BRINP1: variants seen among roughly 807,000 people sequenced by gnomAD.
BRINP1 encodes BMP/retinoic acid inducible neural specific 1, also known as BMP/retinoic acid-inducible neural-specific protein 1.
In BRINP1, 17 loss-of-function variants were observed where a neutral mutation model predicts 72.9. That is an observed-to-expected ratio of 0.23 (90% CI 0.16 to 0.35). The LOEUF is 0.35. Among genes scored for constraint, BRINP1 ranks in the 10% least tolerant of loss-of-function variants. BRINP1 has a pLI of 1.00. For missense variants in BRINP1, 850 were observed against 1,001.6 expected (o/e 0.85, Z 2.04); for synonymous variants, 418 against 378.5 (o/e 1.10, Z -1.21).
intron 7 of BRINP1, among the ~76,000 whole-genome samples, chr9:119,194,431 C>T (rs568373695): frequency 4.6e-5 from 7 of 152,236 alleles, no homozygotes; most frequent in Non-Finnish European, 8.8e-5. Context: ...GGACCTGTAA[C>T]GGTGATGAGA....
In BRINP1 at chr9:119,172,049, A is replaced by C. The variant is rs545068149; in HGVS notation, c.1146-3825T>G. Among the ~76,000 whole-genome samples the C allele has an allele frequency of 6.5e-4, 92 of 140,558 alleles. 1 individual carries two copies. Among genetic ancestry groups the C allele is most frequent in the African/African-American group, 2.6e-3 (88 of 34,358 alleles). 92.2% of individuals were successfully genotyped at this position (140,558 alleles called of 152,430 possible). ...AAAGCAGGAAAGATCCAAAATTGACACCCTAACATCACAATTAAAAGAACT... is the reference window on the plus strand; with the variant it reads ...AAAGCAGGAAAGATCCAAAATTGACCCCCTAACATCACAATTAAAAGAACT... On this transcript the variant is annotated intron_variant, in intron 7 of 7. Coordinates refer to ENST00000265922, the MANE Select transcript of BRINP1 (RefSeq NM_014618.3).
intron 7 of BRINP1, among the ~76,000 whole-genome samples, chr9:119,179,062 T>TATAA (rs1227892563): frequency 2.0e-5 from 3 of 152,130 alleles, no homozygotes; most frequent in Non-Finnish European, 1.5e-5. Context: ...GATTGCAATC[T>TATAA]ATAAATACCA....
At chr9:119,342,167 G>C (rs1406796770) in intron 1 of BRINP1, among the ~76,000 whole-genome samples, 1 of 152,064 alleles carries the variant, frequency 6.6e-6, no homozygotes, top group Admixed American at 6.5e-5. Context: ...AACAAAAATG[G>C]TTGTATTGTT....
At position 119,345,965 on chromosome 9, in the gene BRINP1, G is replaced by C. The variant is rs968962138; in HGVS notation, c.-51+23091C>G. Among the ~76,000 whole-genome samples the C allele has an allele frequency of 2.6e-5, 4 of 152,210 alleles. No individual in the cohort carries two copies. In the East Asian group the frequency reaches 7.7e-4, roughly 29 times the overall value. ...TAAGTGACCTGTTTGAGATTGCACAGCTAGTTAGAGGGGAAGCCTGAGCTC... is the reference window on the plus strand; with the variant it reads ...TAAGTGACCTGTTTGAGATTGCACACCTAGTTAGAGGGGAAGCCTGAGCTC... On this transcript the variant is annotated intron_variant, in intron 1 of 7. Transcript: ENST00000265922.
chr9:119,194,993 C>G (rs1026262360), intron 7 of BRINP1, among the ~76,000 whole-genome samples: 3 of 152,156 alleles, frequency 2.0e-5, no homozygotes, highest in Non-Finnish European at 4.4e-5. Flanking sequence ...CATTTTACTC[C>G]TTAAGAAAAT....
intron 1 of BRINP1, among the ~76,000 whole-genome samples, chr9:119,326,550 C>G (rs1451860836): frequency 2.0e-5 from 3 of 151,986 alleles, no homozygotes; most frequent in Non-Finnish European, 4.4e-5. Flanking sequence ...TTAAATATTT[C>G]ATTTGGACCC....
At chr9:119,337,231 G>A (rs1017667354) in intron 1 of BRINP1, among the ~76,000 whole-genome samples, 1 of 152,216 alleles carries the variant, frequency 6.6e-6, no homozygotes, top group Non-Finnish European at 1.5e-5. Context: ...TGCAGAGAAT[G>A]CAAACTCAAA....
chr9:119,266,265 G>A (rs1393795846), intron 2 of BRINP1, among the ~76,000 whole-genome samples: 7 of 152,214 alleles, frequency 4.6e-5, no homozygotes, highest in Admixed American at 2.6e-4. Flanking sequence ...GTGAGTGAAC[G>A]CAGAATGTTT....
At chr9:119,175,516 A>T (rs568709561) in intron 7 of BRINP1, among the ~76,000 whole-genome samples, 1 of 152,142 alleles carries the variant, frequency 6.6e-6, no homozygotes, top group East Asian at 1.9e-4. Flanking sequence ...AACTTAGAGT[A>T]TAATAAAAAA....
chr9:119,203,429 G>A (rs1216809287), intron 7 of BRINP1, among the ~76,000 whole-genome samples: 2 of 152,088 alleles, frequency 1.3e-5, no homozygotes, highest in Non-Finnish European at 2.9e-5. Context: ...TAATTACTGA[G>A]TGCCAAGAAA....
At chr9:119,318,738 C>T (rs1831151599) in intron 1 of BRINP1, among the ~76,000 whole-genome samples, 1 of 152,008 alleles carries the variant, frequency 6.6e-6, no homozygotes, top group Non-Finnish European at 1.5e-5. Flanking sequence ...GGGTGGGAGC[C>T]TGTGAGAGAA....
chr9:119,274,781 A>C (rs1161848779), intron 2 of BRINP1, among the ~76,000 whole-genome samples: 1 of 152,210 alleles, frequency 6.6e-6, no homozygotes, highest in Non-Finnish European at 1.5e-5. Flanking sequence ...ATCCTAAAGC[A>C]TCAAGGGATG....
intron 5 of BRINP1, among the ~76,000 whole-genome samples, chr9:119,234,781 C>T (rs1435212384): frequency 6.6e-6 from 1 of 151,956 alleles, no homozygotes; most frequent in African/African-American, 2.4e-5. Flanking sequence ...ATGATACTTC[C>T]TCAGATATTT....
At chr9:119,267,605 T>C (rs921894483) in intron 2 of BRINP1, among the ~76,000 whole-genome samples, 2 of 150,940 alleles carry the variant, frequency 1.3e-5, no homozygotes, top group Admixed American at 6.6e-5. Flanking sequence ...CATTGCACTC[T>C]ACCCTGGGCA....
At chr9:119,245,381 C>G (rs1399762530) in intron 3 of BRINP1, among the ~76,000 whole-genome samples, 1 of 152,194 alleles carries the variant, frequency 6.6e-6, no homozygotes, top group South Asian at 2.1e-4. Flanking sequence ...AGATGTACTT[C>G]CATGCACGCA....
At chr9:119,244,257 G>A (rs758496756) in intron 3 of BRINP1, among the ~76,000 whole-genome samples, 2 of 152,154 alleles carry the variant, frequency 1.3e-5, no homozygotes, top group African/African-American at 2.4e-5. Context: ...TTACTGTTAC[G>A]TAGTAATACA....
chr9:119,369,239 T>C lies in BRINP1; in HGVS notation c.-234A>G. 5.0e-6 allele frequency: 2 copies of C among 398,660 alleles called. No homozygotes were observed. Among genetic ancestry groups the C allele is most frequent in the South Asian group, 2.5e-4 (2 of 7,858 alleles). 24.7% of individuals were successfully genotyped at this position (398,660 alleles called of 1,614,324 possible). A position where few individuals can be genotyped will look rare whatever the true frequency, so the allele number is the denominator to read the frequency against. ...TCAGCCGTAAAGTCCCCTTCGCTGG[T>C]CCCGAGGACAGGCATGAATCCCGGC... On this transcript the variant is annotated 5_prime_UTR_variant, in exon 1 of 8. Coordinates refer to ENST00000265922, the MANE Select transcript of BRINP1 (RefSeq NM_014618.3).
chr9:119,293,574 A>G (rs1386069731), intron 2 of BRINP1, among the ~76,000 whole-genome samples: 3 of 152,210 alleles, frequency 2.0e-5, no homozygotes, highest in Admixed American at 6.5e-5. Context: ...ATAGATGCCA[A>G]TGCTTCATCA....
At chr9:119,283,146 G>T (rs1830729852) in intron 2 of BRINP1, 1 of 984,914 alleles carries the variant, frequency 1.0e-6, no homozygotes, top group African/African-American at 1.7e-5. Flanking sequence ...GGTTGTAAAT[G>T]AGATCATTTG....
Sources: gnomAD v4.1 joint callset for allele counts (sites outside exome capture counted in the v4.1 genomes callset) on GRCh38, gnomAD v4.1.1 for gene constraint, MANE v1.5 for transcripts, NCBI Gene and HGNC (gene_info 2026-07-23, HGNC 2026-07-21) for gene names.